CFAP299: variants seen among roughly 807,000 people sequenced by gnomAD.
CFAP299 encodes the protein cilia- and flagella-associated protein 299.
A neutral mutation model predicts 27.0 loss-of-function variants in CFAP299; 21 were observed. The observed-to-expected ratio is 0.78, with a 90% CI of 0.55 to 1.12. The LOEUF is 1.12. Among genes scored for constraint, CFAP299 ranks in the 50% most tolerant of loss-of-function variants. The pLI is 0.00. For synonymous variants in CFAP299, 104 were observed against 98.1 expected, an observed-to-expected ratio of 1.06 and a Z score of -0.36; for missense variants, 310 against 276.6, an observed-to-expected ratio of 1.12 and a Z score of -0.86.
chr4:80,848,476 G>A (rs1731306524), intron 3 of CFAP299, among the ~76,000 whole-genome samples: 1 of 152,156 alleles, frequency 6.6e-6, no homozygotes, highest in Admixed American at 6.5e-5. Flanking sequence ...ACAGTGGTAA[G>A]TATTTGTGTA....
At chr4:80,659,014 C>A (rs2109978877) in intron 3 of CFAP299, among the ~76,000 whole-genome samples, 1 of 152,100 alleles carries the variant, frequency 6.6e-6, no homozygotes, top group Non-Finnish European at 1.5e-5. Flanking sequence ...AAGACCATGC[C>A]AAAAGTTAAA....
chr4:80,844,922 A>G (rs547442390), intron 3 of CFAP299, among the ~76,000 whole-genome samples: 102 of 152,182 alleles, frequency 6.7e-4, no homozygotes, highest in African/African-American at 2.2e-3. Flanking sequence ...ATCTTGAATT[A>G]ATTTTTGTAT....
chr4:80,654,058 G>T (rs1446643523), intron 3 of CFAP299, among the ~76,000 whole-genome samples: 1 of 152,070 alleles, frequency 6.6e-6, no homozygotes, highest in African/African-American at 2.4e-5. Context: ...TGACATTTGG[G>T]TTATACAGTT....
chr4:80,713,109 TGA>T (rs1722270637), intron 3 of CFAP299, among the ~76,000 whole-genome samples: 1 of 152,118 alleles, frequency 6.6e-6, no homozygotes, highest in Admixed American at 6.5e-5. Context: ...AGACTGGAGA[TGA>T]GAGGGCATTC....
At chr4:80,366,163 T>A (rs766711831) in intron 2 of CFAP299, among the ~76,000 whole-genome samples, 4 of 152,180 alleles carry the variant, frequency 2.6e-5, no homozygotes, top group African/African-American at 4.8e-5. Context: ...TGTTGGAGGA[T>A]CACTTTGAAA....
At chr4:80,956,534 A>G (rs990179682) in intron 5 of CFAP299, among the ~76,000 whole-genome samples, 6 of 152,070 alleles carry the variant, frequency 3.9e-5, no homozygotes, top group Admixed American at 3.9e-4. Context: ...CTGGGCTCAT[A>G]TGATCCCACT....
At chr4:80,649,797 A>G (rs1449815111) in intron 3 of CFAP299, among the ~76,000 whole-genome samples, 1 of 152,142 alleles carries the variant, frequency 6.6e-6, no homozygotes, top group Non-Finnish European at 1.5e-5. Flanking sequence ...AGACACTAAA[A>G]TTGGACTTTA....
intron 3 of CFAP299, among the ~76,000 whole-genome samples, chr4:80,617,769 G>A (rs1290662498): frequency 2.0e-5 from 3 of 152,134 alleles, no homozygotes; most frequent in Admixed American, 1.3e-4. Context: ...GATAACCAAT[G>A]TGCCTTAAAG....
intron 4 of CFAP299, chr4:80,870,629 C>G (rs1169123605): frequency 1.0e-6 from 1 of 985,722 alleles, no homozygotes; most frequent in African/African-American, 1.7e-5. Flanking sequence ...ATTCTAGAAC[C>G]CTTATCTATC....
At chr4:80,495,624 C>T (rs1321020151) in intron 2 of CFAP299, among the ~76,000 whole-genome samples, 5 of 152,064 alleles carry the variant, frequency 3.3e-5, no homozygotes. Context: ...CAACACAAAC[C>T]CTATCTCTAT....
intron 4 of CFAP299, among the ~76,000 whole-genome samples, chr4:80,895,189 C>CCT (rs1553904081): frequency 6.6e-6 from 1 of 151,594 alleles, no homozygotes; most frequent in African/African-American, 2.4e-5. Flanking sequence ...CACACACACA[C>CCT]ACACACACAC....
chr4:80,619,858 G>C lies in CFAP299; in HGVS notation c.333+36675G>C, dbSNP rs1738484249. On this transcript the variant is annotated intron_variant, in intron 3 of 5. Coordinates refer to ENST00000358105, the MANE Select transcript of CFAP299 (RefSeq NM_152770.3). ...AATTATAATGAGATAAACTGGGATT[G>C]AGAGAATTTGTCACAGTGGATTTTG... 2.0e-5 allele frequency among the ~76,000 whole-genome samples: 3 copies of C among 152,064 alleles called. No individual in the cohort carries two copies. In the South Asian group the frequency reaches 6.2e-4, roughly 31 times the overall value.
chr4:80,799,856 A>T (rs1438614769), intron 3 of CFAP299, among the ~76,000 whole-genome samples: 10 of 27,262 alleles, frequency 3.7e-4, no homozygotes, highest in African/African-American at 2.0e-3. Flanking sequence ...ATAATATATA[A>T]ATATATATTA....
intron 2 of CFAP299, among the ~76,000 whole-genome samples, chr4:80,460,968 A>G (rs1386657497): frequency 6.6e-6 from 1 of 152,198 alleles, no homozygotes; most frequent in Non-Finnish European, 1.5e-5. Flanking sequence ...AGGGAGACAT[A>G]TGGCATCAAT....
At chr4:80,904,937 T>C (rs1181615736) in intron 4 of CFAP299, among the ~76,000 whole-genome samples, 1 of 147,058 alleles carries the variant, frequency 6.8e-6, no homozygotes, top group Admixed American at 6.6e-5. Context: ...AGAAAAAAAT[T>C]ATAATTTAGA....
intron 5 of CFAP299, among the ~76,000 whole-genome samples, chr4:80,948,409 T>G (rs372623699): frequency 1.3e-5 from 2 of 152,174 alleles, no homozygotes; most frequent in East Asian, 3.8e-4. Flanking sequence ...AGTTTCTATT[T>G]TTGAGTGAAG....
chr4:80,702,690 A>C (rs541692517), intron 3 of CFAP299, among the ~76,000 whole-genome samples: 3 of 151,858 alleles, frequency 2.0e-5, no homozygotes, highest in Non-Finnish European at 4.4e-5. Context: ...AATATTTCAC[A>C]TTTTGTATTT....
At chr4:80,572,866 C>G (rs1486914316) in intron 2 of CFAP299, among the ~76,000 whole-genome samples, 1 of 152,058 alleles carries the variant, frequency 6.6e-6, no homozygotes, top group African/African-American at 2.4e-5. Flanking sequence ...TTTTCTTTAA[C>G]TATTCATCTG....
At position 80,344,573 on chromosome 4, in the gene CFAP299, AG is replaced by A. The variant is rs551867022; in HGVS notation, c.111+8695del. 3.1e-3 allele frequency among the ~76,000 whole-genome samples: 474 copies of A among 152,328 alleles called. 4 individuals are homozygous for A. Among genetic ancestry groups the A allele is most frequent in the African/African-American group, 0.011 (456 of 41,576 alleles). On this transcript the variant is annotated intron_variant, in intron 1 of 5. Coordinates refer to ENST00000358105, the MANE Select transcript of CFAP299 (RefSeq NM_152770.3). ...CACCTGAATTCTACCAGAGGTATAA[AG>A]AAGAGCTGATATCATTTCTAATGAA...
Sources: allele counts gnomAD v4.1 joint callset (sites outside exome capture counted in the v4.1 genomes callset), GRCh38; gene constraint gnomAD v4.1.1; transcripts MANE v1.5; gene names NCBI Gene and HGNC (gene_info 2026-07-23, HGNC 2026-07-21).